The following RBMS1 variants were observed in gnomAD, a reference collection of about 807,000 sequenced individuals.
RBMS1 encodes the protein RNA-binding motif, single-stranded-interacting protein 1.
Under a neutral mutation model 62.3 loss-of-function variants are expected in RBMS1, and 17 were observed. The ratio of observed to expected loss-of-function variants is 0.27; its 90% confidence interval spans 0.19 to 0.41. RBMS1 has a LOEUF of 0.41. RBMS1 is among the 10% of genes least tolerant of loss of function. The pLI is 1.00. For synonymous variants in RBMS1, 172 were observed against 170.0 expected (o/e 1.01, Z -0.09); for missense variants, 334 against 504.5 (o/e 0.66, Z 3.24).
intron 1 of RBMS1, chr2:160,407,830 C>A: frequency 2.0e-6 from 2 of 981,306 alleles, no homozygotes; most frequent in Non-Finnish European, 2.4e-6. Context: ...CTGGCGGCGT[C>A]GCCGACTCTC....
At chr2:160,412,520 C>T (rs994536803) in intron 1 of RBMS1, among the ~76,000 whole-genome samples, 9 of 152,268 alleles carry the variant, frequency 5.9e-5, no homozygotes, top group East Asian at 3.9e-4. Flanking sequence ...AACTCTGTAA[C>T]GCCGCATCTC....
In RBMS1 at chr2:160,471,717, A is replaced by ATATATATATATATATATAT. The variant is rs1422014155; in HGVS notation, c.75+21571_75+21572insATATATATATATATATATA. Among the ~76,000 whole-genome samples, 29 of 53,950 alleles carry ATATATATATATATATATAT rather than the reference A, an allele frequency of 5.4e-4. 1 individual carries two copies. The highest frequency in any genetic ancestry group is 1.5e-3 in the South Asian group (3 of 2,020). 35.4% of individuals were successfully genotyped at this position (53,950 alleles called of 152,430 possible). A position where few individuals can be genotyped will look rare whatever the true frequency, so the allele number is the denominator to read the frequency against. ...TATATATATATATATATATATATATAACCTTTCATACATTCTGATTATAAG... is the reference window on the plus strand; with the variant it reads ...TATATATATATATATATATATATATATATATATATATATATATATACCTTTCATACATTCTGATTATAAG... On this transcript the variant is annotated intron_variant, in intron 1 of 13. Coordinates refer to ENST00000348849, the MANE Select transcript of RBMS1 (RefSeq NM_016836.4).
intron 1 of RBMS1, among the ~76,000 whole-genome samples, chr2:160,413,047 A>G (rs1696091851): frequency 6.6e-6 from 1 of 152,262 alleles, no homozygotes; most frequent in Non-Finnish European, 1.5e-5. Context: ...AAGATGTCCA[A>G]GAGATAAGAA....
At chr2:160,287,127 T>C (rs1162784522) in intron 6 of RBMS1, 43 bp from the exon 7 acceptor site, 2 of 1,605,238 alleles carry the variant, frequency 1.2e-6, no homozygotes, top group African/African-American at 2.7e-5. Context: ...CAATGATACG[T>C]GTATGTGGAT....
intron 1 of RBMS1, among the ~76,000 whole-genome samples, chr2:160,396,912 C>T (rs751333658): frequency 1.3e-5 from 2 of 152,296 alleles, no homozygotes. Context: ...GACCGAGGTC[C>T]GGGGACTTTC....
At chr2:160,315,793 CT>C (rs904678456) in intron 3 of RBMS1, among the ~76,000 whole-genome samples, 6 of 152,140 alleles carry the variant, frequency 3.9e-5, no homozygotes, top group African/African-American at 1.4e-4. Flanking sequence ...TTATAAATGC[CT>C]TTTGTTGGCT....
chr2:160,278,368 G>A (rs1359604610), intron 11 of RBMS1, 180 bp downstream of exon 11: 3 of 628,846 alleles, frequency 4.8e-6, no homozygotes, highest in Non-Finnish European at 5.7e-6. Context: ...TAGACTTTCA[G>A]TTCATCAATT....
intron 4 of RBMS1, among the ~76,000 whole-genome samples, chr2:160,311,228 CTATCTATATATAT>C (rs1689860652): frequency 1.5e-4 from 14 of 95,926 alleles, no homozygotes; most frequent in Admixed American, 7.0e-4. Flanking sequence ...ATCTATCTAT[CTATCTATATATAT>C]ATATATATAT....
intron 1 of RBMS1, among the ~76,000 whole-genome samples, chr2:160,425,371 G>A (rs1682506561): frequency 6.6e-6 from 1 of 152,054 alleles, no homozygotes; most frequent in Non-Finnish European, 1.5e-5. Context: ...TCCCTTAAAG[G>A]CTAACTAAAA....
intron 1 of RBMS1, among the ~76,000 whole-genome samples, chr2:160,434,119 G>A (rs1191093304): frequency 2.0e-5 from 3 of 152,142 alleles, no homozygotes. Context: ...TTCGATATGA[G>A]CACAGGAGCT....
rs1559621370 is a variant in RBMS1, at chr2:160,493,521, GTCCTCCTCCTCCTCCTCCTCTTCC to G, written c.-182_-159del. On this transcript the variant is annotated 5_prime_UTR_variant, in exon 1 of 14. Transcript: ENST00000348849. The stretch of plus-strand genomic sequence containing the variant: ...CTCCACCTCCCAGCCGGGACCAGAC[GTCCTCCTCCTCCTCCTCCTCTTCC>G]TCCTCCTCCTCCTCCTCCTCCTCCT... 1.1e-5 allele frequency: 7 copies of G among 621,542 alleles called. No homozygotes were observed. Among genetic ancestry groups the G allele is most frequent in the African/African-American group, 9.7e-5 (5 of 51,542 alleles). 38.5% of individuals were successfully genotyped at this position (621,542 alleles called of 1,614,324 possible).
chr2:160,440,153 G>T (rs1683354027), intron 1 of RBMS1, among the ~76,000 whole-genome samples: 1 of 149,496 alleles, frequency 6.7e-6, no homozygotes, highest in Non-Finnish European at 1.5e-5. Flanking sequence ...CTGTTGCCCA[G>T]GCTAGAGTGC....
intron 6 of RBMS1, among the ~76,000 whole-genome samples, chr2:160,290,924 C>T (rs558575020): frequency 3.9e-5 from 6 of 152,308 alleles, no homozygotes; most frequent in African/African-American, 1.4e-4. Context: ...ATGGATAAGG[C>T]TCAGGCTGAC....
At chr2:160,351,989 G>C (rs891296286) in intron 2 of RBMS1, among the ~76,000 whole-genome samples, 1 of 152,048 alleles carries the variant, frequency 6.6e-6, no homozygotes, top group African/African-American at 2.4e-5. Flanking sequence ...CAAGGTAAGT[G>C]AAGAAAAAAT....
intron 6 of RBMS1, 42 bp from the exon 7 acceptor site, chr2:160,287,126 G>A (rs370299355): frequency 1.7e-5 from 27 of 1,604,530 alleles, no homozygotes; most frequent in African/African-American, 4.0e-5. Flanking sequence ...ACAATGATAC[G>A]TGTATGTGGA....
rs1687786399 is a variant in RBMS1 at position 160,275,498 on chromosome 2, T to A, written c.*7+132A>T. On this transcript the variant is annotated intron_variant, in intron 13 of 13. Coordinates refer to ENST00000348849, the MANE Select transcript of RBMS1 (RefSeq NM_016836.4). ...ACTGATTTTAATATTTCAACAAGAC[T>A]AGATGCCTTGGCCACGATTAAAGCA... is the stretch of plus-strand genomic sequence containing the variant. The A allele has an allele frequency of 2.1e-6, 3 of 1,404,236 alleles. No homozygotes were observed. The Admixed American group carries it at 7.2e-5, about 33-fold the overall frequency. The allele number at this position is 1,404,236 out of a possible 1,614,324, so 87.0% of individuals were successfully genotyped here. A position where few individuals can be genotyped will look rare whatever the true frequency, so the allele number is the denominator to read the frequency against.
intron 4 of RBMS1, among the ~76,000 whole-genome samples, chr2:160,310,724 C>T (rs957418622): frequency 2.6e-5 from 4 of 152,048 alleles, no homozygotes; most frequent in African/African-American, 9.7e-5. Flanking sequence ...AAAAGTCCTG[C>T]TTATACAATG....
intron 4 of RBMS1, among the ~76,000 whole-genome samples, chr2:160,308,815 G>A (rs1451142739): frequency 6.6e-6 from 1 of 152,196 alleles, no homozygotes; most frequent in African/African-American, 2.4e-5. Flanking sequence ...AGTATTTGAA[G>A]AGCGCTGTAG....
chr2:160,284,925 A>G (rs1049378275), intron 8 of RBMS1, 57 bp from the exon 9 acceptor site: 2 of 1,572,100 alleles, frequency 1.3e-6, no homozygotes, highest in African/African-American at 2.7e-5. Context: ...TAATTCATGG[A>G]ACAAATGTCT....
Sources: gnomAD v4.1 joint callset for allele counts (sites outside exome capture counted in the v4.1 genomes callset) on GRCh38, gnomAD v4.1.1 for gene constraint, MANE v1.5 for transcripts, NCBI Gene and HGNC (gene_info 2026-07-23, HGNC 2026-07-21) for gene names.